Variants in NHSL1 observed in about 807,000 individuals in gnomAD.
NHSL1 encodes NHS like 1.
NHSL1 carries 48 observed loss-of-function variants against 95.0 expected under a neutral mutation model. The ratio of observed to expected loss-of-function variants is 0.51; its 90% CI spans 0.40 to 0.64. NHSL1 has a LOEUF of 0.64. Among genes scored for constraint, NHSL1 ranks in the 30% least tolerant of loss-of-function variants. The pLI, the probability that NHSL1 is intolerant of heterozygous loss-of-function variation, is 0.00. For synonymous variants in NHSL1, 783 were observed against 833.9 expected (o/e 0.94, Z 1.05); for missense variants, 1,971 against 2,077.7 (o/e 0.95, Z 1.00).
At chr6:138,647,366 T>C (rs1785033036) in intron 1 of NHSL1, among the ~76,000 whole-genome samples, 1 of 152,228 alleles carries the variant, frequency 6.6e-6, no homozygotes, top group Admixed American at 6.5e-5. Flanking sequence ...ATCAGATCTG[T>C]CTACAAAACA....
At chr6:138,588,397 G>A (rs1390040833) in intron 1 of NHSL1, among the ~76,000 whole-genome samples, 1 of 152,212 alleles carries the variant, frequency 6.6e-6, no homozygotes, top group African/African-American at 2.4e-5. Flanking sequence ...AGGAGGCAGA[G>A]GTTGCAGTGA....
intron 1 of NHSL1, among the ~76,000 whole-genome samples, chr6:138,505,665 A>AG (rs1178983240): frequency 6.6e-6 from 1 of 151,774 alleles, no homozygotes; most frequent in Non-Finnish European, 1.5e-5. Flanking sequence ...AAAAAAAAAA[A>AG]AAAAAAAAGA....
intron 1 of NHSL1, among the ~76,000 whole-genome samples, chr6:138,604,882 T>C (rs908637881): frequency 1.3e-5 from 2 of 152,098 alleles, no homozygotes; most frequent in Non-Finnish European, 1.5e-5. Context: ...CGCCTCAGAC[T>C]CCAAAGTGCT....
At position 138,430,022 on chromosome 6, in the gene NHSL1, G is replaced by A. The variant is rs552854207; in HGVS notation, c.3953-179C>T. Among the ~76,000 whole-genome samples the A allele has an allele frequency of 1.6e-4, 25 of 152,300 alleles. No homozygotes were observed. Among genetic ancestry groups the A allele is most frequent in the African/African-American group, 6.0e-4 (25 of 41,552 alleles). ...GGGAGGAAATGACACTAGCCTGAGA[G>A]CCAGAGCTCATTCTTTGTTAAAGTA... On this transcript the variant is annotated intron_variant, in intron 6 of 7. Coordinates refer to ENST00000343505, the MANE Select transcript of NHSL1 (RefSeq NM_001144060.2). This position sits in a 1 kb window ranked among gnomAD's most constrained non-coding sequence, Gnocchi z 4.7.
intron 1 of NHSL1, among the ~76,000 whole-genome samples, chr6:138,674,309 T>C (rs1785419493): frequency 6.6e-6 from 1 of 152,116 alleles, no homozygotes; most frequent in Non-Finnish European, 1.5e-5. Flanking sequence ...ATTTGGTTAT[T>C]TTATTGTGTG....
At chr6:138,673,701 T>C (rs914895951) in intron 1 of NHSL1, among the ~76,000 whole-genome samples, 7 of 152,366 alleles carry the variant, frequency 4.6e-5, no homozygotes, top group African/African-American at 7.2e-5. Flanking sequence ...TGTTAAGACA[T>C]GGCCACTTGG....
chr6:138,685,117 AT>A (rs560482270), intron 1 of NHSL1, among the ~76,000 whole-genome samples: 1 of 152,078 alleles, frequency 6.6e-6, no homozygotes, highest in Non-Finnish European at 1.5e-5. Flanking sequence ...CTTTTGTTAA[AT>A]TTTTTCATTT....
At chr6:138,560,798 A>C (rs1783382483) in intron 1 of NHSL1, among the ~76,000 whole-genome samples, 1 of 152,244 alleles carries the variant, frequency 6.6e-6, no homozygotes, top group Non-Finnish European at 1.5e-5. Flanking sequence ...GGTTTATCTC[A>C]GAAGGCAATC....
At chr6:138,472,656 T>C (rs1217673625) in intron 3 of NHSL1, among the ~76,000 whole-genome samples, 1 of 152,228 alleles carries the variant, frequency 6.6e-6, no homozygotes, top group Non-Finnish European at 1.5e-5. Context: ...ACTACATAAA[T>C]GAAAATCTTC....
At chr6:138,677,244 G>A (rs1785460113) in intron 1 of NHSL1, among the ~76,000 whole-genome samples, 1 of 152,086 alleles carries the variant, frequency 6.6e-6, no homozygotes, top group Non-Finnish European at 1.5e-5. Flanking sequence ...ACATTTTTTA[G>A]GAGGCATTCT....
chr6:138,620,601 GA>G (rs1784642636), intron 1 of NHSL1, among the ~76,000 whole-genome samples: 1 of 152,006 alleles, frequency 6.6e-6, no homozygotes, highest in Admixed American at 6.6e-5. Context: ...AATGTTAATG[GA>G]AAAAATGGAA....
chr6:138,488,861 G>A (rs115226068), intron 2 of NHSL1, among the ~76,000 whole-genome samples: 12 of 152,164 alleles, frequency 7.9e-5, no homozygotes, highest in Non-Finnish European at 1.0e-4. Context: ...GCCAGCATGC[G>A]TGAGCACCAG....
At chr6:138,516,430 C>T (rs375789075) in intron 1 of NHSL1, among the ~76,000 whole-genome samples, 1 of 152,148 alleles carries the variant, frequency 6.6e-6, no homozygotes, top group African/African-American at 2.4e-5. Context: ...TTGTCTGCAA[C>T]TGAACGTGCC....
intron 2 of NHSL1, among the ~76,000 whole-genome samples, chr6:138,476,596 G>A (rs1252559470): frequency 2.6e-5 from 4 of 152,044 alleles, no homozygotes; most frequent in African/African-American, 9.7e-5. Flanking sequence ...GGAGGCCGAG[G>A]CAGGCGGATC....
intron 1 of NHSL1, among the ~76,000 whole-genome samples, chr6:138,687,252 G>GT (rs1785596135): frequency 6.6e-6 from 1 of 151,094 alleles, no homozygotes. Flanking sequence ...CCTGCACAAC[G>GT]TATGGAAACC....
Position 138,433,033 on chromosome 6 carries a change from T to C in NHSL1, c.1312A>G (p.Ser438Gly), listed in dbSNP as rs779421744. Residue 438 changes from serine to glycine, a missense_variant, in exon 6 of 8, where the codon AGT (serine) becomes GGT (glycine). Physicochemically the swap from Ser to Gly is moderately conservative, Grantham distance 56. Around this residue, in one of 3 missense-constraint regions of NHSL1, gnomAD observed 1,602 missense variants for 1,654.5 expected, o/e 0.97. Transcript: ENST00000343505. The stretch of plus-strand genomic sequence containing the variant: ...GCATGTGATGAGCCAGAACTTTTAC[T>C]TTCCCGCTGTCCCGCACTCTGAGCA... ...PTAQSAGQRE[S>G]KSSGSSHARI... 9 of 1,551,642 alleles carry C rather than the reference T, an allele frequency of 5.8e-6. No individual in the cohort carries two copies. The highest frequency in any genetic ancestry group is 1.7e-4 in the Middle Eastern group (1 of 5,992).
intron 1 of NHSL1, among the ~76,000 whole-genome samples, chr6:138,624,999 A>T (rs572043508): frequency 2.0e-5 from 3 of 152,226 alleles, no homozygotes; most frequent in East Asian, 1.9e-4. Context: ...TGTGTGTGTG[A>T]GAGAGAGATA....
chr6:138,691,878 G>A (rs9321669), intron 1 of NHSL1: 76,038 of 456,404 alleles, frequency 0.17, 8,916 homozygotes, highest in African/African-American at 0.43. Context: ...ACAAAGAGCT[G>A]GTGGGTCAGT....
intron 1 of NHSL1, among the ~76,000 whole-genome samples, chr6:138,531,520 C>CT (rs148821238): frequency 0.16 from 22,493 of 144,622 alleles, 3,871 homozygotes; most frequent in African/African-American, 0.43. Flanking sequence ...GTTTCTCTCT[C>CT]TTTTTTTTTT....
Sources: gnomAD v4.1 joint callset for allele counts (sites outside exome capture counted in the v4.1 genomes callset) on GRCh38, gnomAD v4.1.1 for gene constraint, gnomAD v4.1.1 regional missense constraint, Gnocchi (gnomAD v3.1) non-coding constraint, MANE v1.5 for transcripts, NCBI Gene and HGNC (gene_info 2026-07-23, HGNC 2026-07-21) for gene names.